Variants in PIK3R3 observed in about 807,000 individuals in gnomAD.
PIK3R3 encodes phosphatidylinositol 3-kinase regulatory subunit gamma.
Under a neutral mutation model 62.9 loss-of-function variants are expected in PIK3R3, and 64 were observed. The ratio of observed to expected loss-of-function variants is 1.02; its 90% CI spans 0.83 to 1.25. The LOEUF (loss-of-function observed/expected upper bound fraction) is 1.25, where lower values mean the gene tolerates loss of function less well. Ranked by LOEUF, PIK3R3 falls within the 50% of genes most tolerant of loss-of-function variation. The pLI, the probability that PIK3R3 is intolerant of heterozygous loss-of-function variation, is 0.00. For missense variants in PIK3R3, 614 were observed against 561.6 expected (o/e 1.09, Z -0.94); for synonymous variants, 165 against 189.0 (o/e 0.87, Z 1.04).
chr1:46,043,577 A>G lies in PIK3R3; in HGVS notation c.*96T>C, dbSNP rs533265643. Reference sequence around the variant, plus strand: ...CATTCACAAAATCACTTCTTGTGCAAAACAAGCAGTCTATGTAGAAAGAAT... The same window carrying G: ...CATTCACAAAATCACTTCTTGTGCAGAACAAGCAGTCTATGTAGAAAGAAT... On this transcript the variant is annotated 3_prime_UTR_variant, in exon 10 of 10. Transcript: ENST00000262741. 1 of 1,107,584 alleles carries G rather than the reference A, an allele frequency of 9.0e-7. No individual in the cohort carries two copies. Among genetic ancestry groups the G allele is most frequent in the Non-Finnish European group, 1.3e-6 (1 of 749,810 alleles). The allele number at this position is 1,107,584 out of a possible 1,614,324, so 68.6% of individuals were successfully genotyped here.
rs980124193 is a variant in PIK3R3 at position 46,132,348 on chromosome 1, G to GA, written c.-397dup. On this transcript the variant is annotated 5_prime_UTR_variant, in exon 1 of 10. Transcript: ENST00000262741. The stretch of plus-strand genomic sequence containing the variant: ...CCTTCGAAGGAGGGAGAATGAAGAG[G>GA]AAAAAAAAGAACACGTTGGGAGAAA... The GA allele has an allele frequency of 1.6e-5, 18 of 1,104,416 alleles. No individual in the cohort carries two copies. Among genetic ancestry groups the GA allele is most frequent in the South Asian group, 2.2e-5 (1 of 46,370 alleles). 68.4% of individuals were successfully genotyped at this position (1,104,416 alleles called of 1,614,324 possible).
chr1:46,107,177 GA>G (rs759193437), intron 1 of PIK3R3, among the ~76,000 whole-genome samples: 2 of 151,954 alleles, frequency 1.3e-5, no homozygotes, highest in African/African-American at 4.8e-5. Flanking sequence ...CCAACATGGT[GA>G]AAGCCTACTA....
chr1:46,102,481 C>T (rs1652788930), intron 1 of PIK3R3, among the ~76,000 whole-genome samples: 2 of 151,998 alleles, frequency 1.3e-5, no homozygotes, highest in Admixed American at 1.3e-4. Flanking sequence ...CTTAGAATAA[C>T]CCATTAAATA....
At chr1:46,051,472 G>A (rs1647341481) in intron 7 of PIK3R3, among the ~76,000 whole-genome samples, 1 of 151,950 alleles carries the variant, frequency 6.6e-6, no homozygotes, top group African/African-American at 2.4e-5. Flanking sequence ...TGTTGGCCAG[G>A]CTGGTCTCGA....
the PIK3R3 span, among the ~76,000 whole-genome samples, chr1:46,161,298 A>T: frequency 3.4e-5 from 5 of 145,182 alleles, no homozygotes. Context: ...ATGTCTCACT[A>T]TGTTGCCTAG....
chr1:46,103,383 A>G (rs1350539462), intron 1 of PIK3R3, among the ~76,000 whole-genome samples: 1 of 151,996 alleles, frequency 6.6e-6, no homozygotes, highest in Non-Finnish European at 1.5e-5. Flanking sequence ...CAGCCTGGGA[A>G]ACATGGTGAA....
chr1:46,073,722 C>T (rs1243711497), intron 3 of PIK3R3, among the ~76,000 whole-genome samples: 3 of 151,760 alleles, frequency 2.0e-5, no homozygotes, highest in African/African-American at 7.3e-5. Flanking sequence ...CAGGTTCAAG[C>T]GATTCCTCTG....
At chr1:46,088,045 C>T (rs1651256842) in intron 1 of PIK3R3, among the ~76,000 whole-genome samples, 2 of 152,078 alleles carry the variant, frequency 1.3e-5, no homozygotes, top group African/African-American at 2.4e-5. Flanking sequence ...GATGGTTGCA[C>T]AACAGTATGA....
At chr1:46,126,252 T>C (rs1655085911) in intron 1 of PIK3R3, among the ~76,000 whole-genome samples, 1 of 152,076 alleles carries the variant, frequency 6.6e-6, no homozygotes, top group Non-Finnish European at 1.5e-5. Context: ...AAATGTCTTC[T>C]ATTGGCCAGG....
upstream of PIK3R3, among the ~76,000 whole-genome samples, chr1:46,135,204 C>T (rs1045055936): frequency 6.6e-6 from 1 of 152,158 alleles, no homozygotes. Flanking sequence ...AATGTTAGCT[C>T]GGGTGTCCTG....
intron 3 of PIK3R3, among the ~76,000 whole-genome samples, chr1:46,076,977 G>A (rs1650123723): frequency 6.6e-6 from 1 of 152,084 alleles, no homozygotes; most frequent in African/African-American, 2.4e-5. Flanking sequence ...ATTAAATGTG[G>A]AAATTTCTCA....
chr1:46,133,044 C>G (rs528574490), upstream of PIK3R3: 6 of 1,021,754 alleles, frequency 5.9e-6, no homozygotes, highest in South Asian at 2.0e-4. Flanking sequence ...GTTGCCGGAG[C>G]CTGGAGCCTG....
chr1:46,114,973 C>T (rs1571538651), intron 1 of PIK3R3, among the ~76,000 whole-genome samples: 1 of 151,918 alleles, frequency 6.6e-6, no homozygotes. Context: ...AGTTTAAAAG[C>T]CACTGGTCTA....
At chr1:46,058,459 G>A (rs1014616741) in intron 6 of PIK3R3, among the ~76,000 whole-genome samples, 51 of 152,336 alleles carry the variant, frequency 3.3e-4, no homozygotes, top group Non-Finnish European at 4.9e-4. Context: ...TGGAAAAGCC[G>A]CAGACACTCA....
the PIK3R3 span, among the ~76,000 whole-genome samples, chr1:46,174,267 G>GA: frequency 6.6e-6 from 1 of 151,986 alleles, no homozygotes; most frequent in Non-Finnish European, 1.5e-5. Flanking sequence ...CCCCTCTTGG[G>GA]CCCTTGAGCA....
chr1:46,144,853 G>A, the PIK3R3 span, among the ~76,000 whole-genome samples: 33 of 151,724 alleles, frequency 2.2e-4, no homozygotes, highest in African/African-American at 4.6e-4. Context: ...GGCTGGGCAC[G>A]GCGGCTCATG....
chr1:46,116,332 G>A (rs894673346), intron 1 of PIK3R3, among the ~76,000 whole-genome samples: 1 of 151,858 alleles, frequency 6.6e-6, no homozygotes, highest in African/African-American at 2.4e-5. Flanking sequence ...GAAACACAGT[G>A]AGACGCCGTC....
chr1:46,126,748 G>A (rs785499), intron 1 of PIK3R3, among the ~76,000 whole-genome samples: 107,708 of 149,840 alleles, frequency 0.72, 38,619 homozygotes, highest in African/African-American at 0.75. Context: ...CCAGCCTGGG[G>A]CAACAAAGCA....
Position 46,054,397 on chromosome 1 carries a change from C to CAAAAAAAAAAAAAAAAAAAAAAA in PIK3R3, c.941+1375_941+1397dup, listed in dbSNP as rs10649671. On this transcript the variant is annotated intron_variant, in intron 7 of 9. Coordinates refer to ENST00000262741, the MANE Select transcript of PIK3R3 (RefSeq NM_003629.4). Reference sequence around the variant, plus strand: ...GGTGACACAGTGAGACTCCGCCTCACAAAAAAAAAAAAAAAAAAAAAAAAT... The same window carrying CAAAAAAAAAAAAAAAAAAAAAAA: ...GGTGACACAGTGAGACTCCGCCTCACAAAAAAAAAAAAAAAAAAAAAAAAAAAAAAAAAAAAAAAAAAAAAAAT... Among the ~76,000 whole-genome samples, 2 of 80,048 alleles carry CAAAAAAAAAAAAAAAAAAAAAAA rather than the reference C, an allele frequency of 2.5e-5. 1 individual carries two copies. The highest frequency in any genetic ancestry group is 4.6e-5 in the Non-Finnish European group (2 of 43,804). The allele number at this position is 80,048 out of a possible 152,430, so 52.5% of individuals were successfully genotyped here. A position where few individuals can be genotyped will look rare whatever the true frequency, so the allele number is the denominator to read the frequency against.
Sources: allele counts gnomAD v4.1 joint callset (sites outside exome capture counted in the v4.1 genomes callset), GRCh38; gene constraint gnomAD v4.1.1; transcripts MANE v1.5; gene names NCBI Gene and HGNC (gene_info 2026-07-23, HGNC 2026-07-21).